GTF2F2: variants seen among roughly 807,000 people sequenced by gnomAD.
GTF2F2 encodes general transcription factor IIF subunit 2, also known as ATP-dependent helicase GTF2F2.
In GTF2F2, 23 loss-of-function variants were observed where a neutral mutation model predicts 42.2. The observed-to-expected ratio is 0.55, with a 90% CI of 0.39 to 0.77. The LOEUF is 0.77. GTF2F2 is among the 30% of genes least tolerant of loss of function. The pLI, the probability that GTF2F2 is intolerant of heterozygous loss-of-function variation, is 0.00. For synonymous variants in GTF2F2, 105 were observed against 100.8 expected, an observed-to-expected ratio of 1.04 and a Z score of -0.25; for missense variants, 261 against 287.2, an observed-to-expected ratio of 0.91 and a Z score of 0.66.
intron 4 of GTF2F2, among the ~76,000 whole-genome samples, chr13:45,188,294 A>G (rs1872506907): frequency 6.6e-6 from 1 of 152,226 alleles, no homozygotes; most frequent in Non-Finnish European, 1.5e-5. Flanking sequence ...TAAAAGTCCC[A>G]AGAAACCTAT....
chr13:45,125,157 G>C (rs891036280), intron 1 of GTF2F2, among the ~76,000 whole-genome samples: 6 of 152,220 alleles, frequency 3.9e-5, no homozygotes, highest in Admixed American at 1.3e-4. Context: ...AACCGGTAAA[G>C]TAGGTATTAA....
At chr13:45,258,362 C>CAAA (rs563202331) in intron 6 of GTF2F2, among the ~76,000 whole-genome samples, 2 of 135,170 alleles carry the variant, frequency 1.5e-5, no homozygotes, top group Non-Finnish European at 3.2e-5. Context: ...TCCTGCAATA[C>CAAA]AAAAAAAAAA....
intron 2 of GTF2F2, among the ~76,000 whole-genome samples, chr13:45,142,423 C>G (rs1593451580): frequency 6.6e-6 from 1 of 152,288 alleles, no homozygotes; most frequent in Middle Eastern, 3.4e-3. Flanking sequence ...CTGCCTTGGC[C>G]TCCCAAAGTG....
At chr13:45,151,580 A>G in intron 3 of GTF2F2, 107 bp from the exon 4 acceptor site, 1 of 659,630 alleles carries the variant, frequency 1.5e-6, no homozygotes, top group Non-Finnish European at 2.5e-6. Context: ...GTTTAATGAA[A>G]TGACTGGAAA....
chr13:45,240,452 G>GTTGGT (rs1410262227), intron 5 of GTF2F2, among the ~76,000 whole-genome samples: 1 of 152,132 alleles, frequency 6.6e-6, no homozygotes, highest in Non-Finnish European at 1.5e-5. Context: ...AGGGTTTTCT[G>GTTGGT]TTGGTTTGGT....
Position 45,164,283 on chromosome 13 carries a change from A to C in GTF2F2, c.304+12452A>C, listed in dbSNP as rs568795931. ...CAACACAGTGAGACAGTCTCAAAAA[A>C]AAAAAAAGAGAAAGGTAGTCTGTTG... On this transcript the variant is annotated intron_variant, in intron 4 of 7. Transcript: ENST00000340473. Among the ~76,000 whole-genome samples the C allele has an allele frequency of 2.3e-3, 343 of 152,300 alleles. 5 individuals are homozygous for C. The highest frequency in any genetic ancestry group is 7.8e-3 in the African/African-American group (324 of 41,564).
intron 2 of GTF2F2, among the ~76,000 whole-genome samples, chr13:45,138,126 C>T (rs1869729699): frequency 6.6e-6 from 1 of 152,126 alleles, no homozygotes; most frequent in African/African-American, 2.4e-5. Flanking sequence ...TCTCCTCTCG[C>T]CTCATTGGCT....
At chr13:45,189,006 A>T (rs1872529856) in intron 4 of GTF2F2, among the ~76,000 whole-genome samples, 1 of 151,872 alleles carries the variant, frequency 6.6e-6, no homozygotes, top group South Asian at 2.1e-4. Context: ...TACACCCATC[A>T]ACTTGTCATT....
intron 1 of GTF2F2, among the ~76,000 whole-genome samples, chr13:45,126,368 C>T (rs1360659507): frequency 1.3e-5 from 2 of 151,330 alleles, no homozygotes; most frequent in African/African-American, 4.9e-5. Flanking sequence ...TCTCCTGCCT[C>T]AGCCTCCTGA....
At chr13:45,218,870 A>G (rs1264080972) in intron 5 of GTF2F2, among the ~76,000 whole-genome samples, 1 of 152,198 alleles carries the variant, frequency 6.6e-6, no homozygotes, top group Admixed American at 6.5e-5. Context: ...CACTGACAGT[A>G]CAGGAACACC....
chr13:45,122,651 TA>T (rs75556609), intron 1 of GTF2F2, among the ~76,000 whole-genome samples: 3 of 151,574 alleles, frequency 2.0e-5, no homozygotes, highest in East Asian at 1.9e-4. Context: ...ATAAATAAAT[TA>T]AAAAAAAGTG....
chr13:45,126,245 C>CTTTTT (rs11383296), intron 1 of GTF2F2, among the ~76,000 whole-genome samples: 26 of 100,638 alleles, frequency 2.6e-4, no homozygotes, highest in Non-Finnish European at 3.3e-4. Flanking sequence ...GGAAGAACGA[C>CTTTTT]TTTTTTTTTT....
At chr13:45,151,481 C>G (rs1262492758) in intron 3 of GTF2F2, among the ~76,000 whole-genome samples, 2 of 152,064 alleles carry the variant, frequency 1.3e-5, no homozygotes, top group African/African-American at 2.4e-5. Flanking sequence ...GCCTCAGCCT[C>G]CCAAGTAGCG....
chr13:45,188,399 A>C (rs1005654244), intron 4 of GTF2F2, among the ~76,000 whole-genome samples: 2 of 152,206 alleles, frequency 1.3e-5, no homozygotes, highest in African/African-American at 4.8e-5. Flanking sequence ...CACAGAATTA[A>C]ACATGTGCTT....
intron 5 of GTF2F2, among the ~76,000 whole-genome samples, chr13:45,237,266 A>G (rs897672611): frequency 6.6e-6 from 1 of 152,208 alleles, no homozygotes; most frequent in Non-Finnish European, 1.5e-5. Flanking sequence ...ACATTTAGGA[A>G]GAAATTTTTT....
chr13:45,180,107 C>T (rs768554039), intron 4 of GTF2F2, among the ~76,000 whole-genome samples: 4 of 152,124 alleles, frequency 2.6e-5, no homozygotes, highest in Non-Finnish European at 5.9e-5. Context: ...CTCATTTTTA[C>T]TTAGTTGTGT....
chr13:45,164,224 G>A (rs371510025), intron 4 of GTF2F2, among the ~76,000 whole-genome samples: 9 of 151,732 alleles, frequency 5.9e-5, no homozygotes, highest in African/African-American at 1.5e-4. Flanking sequence ...AGGTTGCAGC[G>A]AGCCAGGATT....
intron 1 of GTF2F2, among the ~76,000 whole-genome samples, chr13:45,132,538 A>G (rs1384335839): frequency 6.6e-6 from 1 of 152,136 alleles, no homozygotes; most frequent in East Asian, 1.9e-4. Flanking sequence ...AGAAGACAGA[A>G]GTTATAATCT....
chr13:45,278,967 G>A (rs946849058), intron 7 of GTF2F2, among the ~76,000 whole-genome samples: 5 of 151,612 alleles, frequency 3.3e-5, no homozygotes, highest in African/African-American at 7.3e-5. Context: ...GGGACTACAG[G>A]GGCCTGCCAC....
Sources: allele counts gnomAD v4.1 joint callset (sites outside exome capture counted in the v4.1 genomes callset), GRCh38; gene constraint gnomAD v4.1.1; transcripts MANE v1.5; gene names NCBI Gene and HGNC (gene_info 2026-07-23, HGNC 2026-07-21).